CD5: variants seen among roughly 807,000 people sequenced by gnomAD.
CD5 encodes the protein CD5 molecule.
Under a neutral mutation model 60.3 loss-of-function variants are expected in CD5, and 36 were observed. The ratio of observed to expected loss-of-function variants is 0.60; its 90% CI spans 0.46 to 0.79. The LOEUF is 0.79. Among genes scored for constraint, CD5 ranks in the 30% least tolerant of loss-of-function variants. The pLI is 0.00. For synonymous variants in CD5, 230 were observed against 257.6 expected (o/e 0.89, Z 1.03); for missense variants, 540 against 630.6 (o/e 0.86, Z 1.54).
intron 1 of CD5, among the ~76,000 whole-genome samples, chr11:61,105,885 G>A (rs955908991): frequency 6.6e-6 from 1 of 152,150 alleles, no homozygotes; most frequent in Non-Finnish European, 1.5e-5. Flanking sequence ...AGCACTTCGG[G>A]AGGCCAAGAC....
chr11:61,101,307 TG>T (rs1860679935), upstream of CD5, among the ~76,000 whole-genome samples: 1 of 98,528 alleles, frequency 1.0e-5, no homozygotes, highest in Non-Finnish European at 2.0e-5. Flanking sequence ...CACATCAACA[TG>T]GAGATTACAC....
At chr11:61,110,962 C>T (rs1565183741) in intron 1 of CD5, among the ~76,000 whole-genome samples, 1 of 152,092 alleles carries the variant, frequency 6.6e-6, no homozygotes, top group African/African-American at 2.4e-5. Context: ...CATCTGGGGA[C>T]CAGACAGGCA....
At chr11:61,098,512 T>TA, upstream of CD5, among the ~76,000 whole-genome samples, 1 of 152,334 alleles carries the variant, frequency 6.6e-6, no homozygotes, top group South Asian at 2.1e-4. Flanking sequence ...GCTTGGTAGT[T>TA]AAAGATCGAC....
chr11:61,123,810 C>CG, intron 7 of CD5, 74 bp from the exon 8 acceptor site: 2 of 605,706 alleles, frequency 3.3e-6, no homozygotes, highest in African/African-American at 3.8e-5. Flanking sequence ...GGCCCAGCCC[C>CG]ATCCCCACCC....
At chr11:61,113,965 C>T (rs910395746) in intron 1 of CD5, among the ~76,000 whole-genome samples, 1 of 152,214 alleles carries the variant, frequency 6.6e-6, no homozygotes, top group Non-Finnish European at 1.5e-5. Context: ...CCACCGTGCC[C>T]GGCCCCTTTC....
Position 61,119,352 on chromosome 11 carries a change from G to C in CD5, c.582G>C (p.Gln194His). The change falls in exon 5 of 11, where the codon CAG becomes CAC. Residue 194 changes from glutamine (Q) to histidine (H), a missense_variant. Transcript: ENST00000347785. Reference protein sequence around the residue: ...TISYEAQDKTQDLENFLCNNL... With the variant: ...TISYEAQDKTHDLENFLCNNL... Reference sequence around the variant, plus strand: ...GCTATGAGGCCCAGGACAAGACCCAGGACCTGGAGAACTTCCTCTGCAACA... The same window carrying C: ...GCTATGAGGCCCAGGACAAGACCCACGACCTGGAGAACTTCCTCTGCAACA... The C allele has an allele frequency of 6.2e-7, 1 of 1,614,130 alleles. No homozygotes were observed. The highest frequency in any genetic ancestry group is 8.5e-7 in the Non-Finnish European group (1 of 1,180,012).
At chr11:61,102,182 C>G (rs1860703197), upstream of CD5, among the ~76,000 whole-genome samples, 1 of 152,214 alleles carries the variant, frequency 6.6e-6, no homozygotes, top group East Asian at 1.9e-4. Flanking sequence ...CAGCCCAGCC[C>G]TCAGCTGCAG....
At position 61,118,049 on chromosome 11, in the gene CD5, G is replaced by C; in HGVS notation, c.95-126G>C. Reference sequence around the variant, plus strand: ...GCCCCAGAAGGGACGAAGCTCACAAGGGGCAAGGCAGGCAGCCCACGGGGC... The same window carrying C: ...GCCCCAGAAGGGACGAAGCTCACAACGGGCAAGGCAGGCAGCCCACGGGGC... On this transcript the variant is annotated intron_variant, in intron 2 of 10. Coordinates refer to ENST00000347785, the MANE Select transcript of CD5 (RefSeq NM_014207.4). This position sits in a 1 kb window ranked among gnomAD's most constrained non-coding sequence, Gnocchi z 4.7. The C allele has an allele frequency of 2.0e-6, 2 of 977,570 alleles. No homozygotes were observed. Among genetic ancestry groups the C allele is most frequent in the Non-Finnish European group, 3.1e-6 (2 of 655,636 alleles). 60.6% of individuals were successfully genotyped at this position (977,570 alleles called of 1,614,324 possible).
upstream of CD5, among the ~76,000 whole-genome samples, chr11:61,100,380 A>C (rs537284452): frequency 2.2e-4 from 32 of 148,248 alleles, no homozygotes; most frequent in South Asian, 6.7e-3. Flanking sequence ...CAACATGGAG[A>C]TCACACACAC....
chr11:61,102,341 G>C, upstream of CD5: 1 of 585,220 alleles, frequency 1.7e-6, no homozygotes, highest in Non-Finnish European at 3.0e-6. Context: ...GCAGAGGCCA[G>C]GGCTGCCATT....
chr11:61,121,095 C>T (rs755443103), intron 5 of CD5, among the ~76,000 whole-genome samples: 3 of 152,252 alleles, frequency 2.0e-5, no homozygotes, highest in Admixed American at 6.5e-5. Context: ...TGGCCCTCAG[C>T]GTTCAGTGCC....
At chr11:61,100,153 C>T (rs1287214075), upstream of CD5, among the ~76,000 whole-genome samples, 2 of 139,458 alleles carry the variant, frequency 1.4e-5, no homozygotes, top group Non-Finnish European at 3.1e-5. Flanking sequence ...AGATCACACA[C>T]ACACAACATG....
At chr11:61,104,928 C>T (rs1043075556) in intron 1 of CD5, among the ~76,000 whole-genome samples, 22 of 152,374 alleles carry the variant, frequency 1.4e-4, no homozygotes, top group African/African-American at 5.0e-4. Flanking sequence ...AAGGCACTTC[C>T]GTGTGCAGGA....
In CD5 at chr11:61,118,994, C is replaced by T. The variant is rs201006149; in HGVS notation, c.463+17C>T. 3.5e-5 allele frequency: 56 copies of T among 1,599,956 alleles called. No individual in the cohort carries two copies. Among genetic ancestry groups the T allele is most frequent in the South Asian group, 4.4e-5 (4 of 90,342 alleles). On this transcript the variant is annotated intron_variant, in intron 4 of 10. Transcript: ENST00000347785. The surrounding 1 kb of genome is among the most constrained non-coding windows in gnomAD (Gnocchi z 4.7). ...AGCCCACAGGTAAGAGGATTCTGAA[C>T]CCCCCACAGGGAGTCAGAGCTAGCA...
chr11:61,123,810 C>A, intron 7 of CD5, 74 bp from the exon 8 acceptor site: 1 of 605,708 alleles, frequency 1.7e-6, no homozygotes, highest in Non-Finnish European at 3.0e-6. Context: ...GGCCCAGCCC[C>A]ATCCCCACCC....
chr11:61,100,263 T>TTA (rs1860648338), upstream of CD5, among the ~76,000 whole-genome samples: 1 of 89,824 alleles, frequency 1.1e-5, no homozygotes, highest in African/African-American at 5.3e-5. Context: ...AACATGGAGA[T>TTA]CACACACACA....
At chr11:61,123,806 G>GCC in intron 7 of CD5, 78 bp from the exon 8 acceptor site, 1 of 605,002 alleles carries the variant, frequency 1.7e-6, no homozygotes, top group Non-Finnish European at 3.0e-6. Flanking sequence ...CCCAGGCCCA[G>GCC]CCCCATCCCC....
upstream of CD5, among the ~76,000 whole-genome samples, chr11:61,099,332 C>T (rs1370234273): frequency 4.3e-4 from 61 of 140,610 alleles, no homozygotes; most frequent in Non-Finnish European, 8.4e-4. Flanking sequence ...ACCCACAACA[C>T]AGAGATCACA....
At chr11:61,116,422 C>G (rs1860946625) in intron 2 of CD5, among the ~76,000 whole-genome samples, 1 of 140,502 alleles carries the variant, frequency 7.1e-6, no homozygotes, top group Admixed American at 7.2e-5. Context: ...CACACATACA[C>G]ACAACCACAC....
Sources: gnomAD v4.1 joint callset for allele counts (sites outside exome capture counted in the v4.1 genomes callset) on GRCh38, gnomAD v4.1.1 for gene constraint, Gnocchi (gnomAD v3.1) non-coding constraint, MANE v1.5 for transcripts, NCBI Gene and HGNC (gene_info 2026-07-23, HGNC 2026-07-21) for gene names.